The following SERPINB5 variants were observed in gnomAD, a reference collection of about 807,000 sequenced individuals.
SERPINB5 encodes the protein serpin B5.
SERPINB5 carries 27 observed loss-of-function variants against 32.2 expected under a neutral mutation model. That is an observed-to-expected ratio of 0.84 (90% CI 0.62 to 1.16). SERPINB5 has a LOEUF of 1.16. Ranked by LOEUF, SERPINB5 falls within the 50% of genes most tolerant of loss-of-function variation. The pLI, the probability that SERPINB5 is intolerant of heterozygous loss-of-function variation, is 0.00. For synonymous variants in SERPINB5, 154 were observed against 157.4 expected, an observed-to-expected ratio of 0.98 and a Z score of 0.16; for missense variants, 388 against 436.3, an observed-to-expected ratio of 0.89 and a Z score of 0.99.
In SERPINB5 at chr18:63,480,027, T is replaced by C. The variant is rs114789646; in HGVS notation, c.-8+2982T>C. Among the ~76,000 whole-genome samples, 1,060 of 152,282 alleles carry C rather than the reference T, an allele frequency of 7.0e-3. 11 individuals are homozygous for C. The highest frequency in any genetic ancestry group is 0.025 in the African/African-American group (1,035 of 41,562). On this transcript the variant is annotated intron_variant, in intron 1 of 6. Coordinates refer to ENST00000382771, the MANE Select transcript of SERPINB5 (RefSeq NM_002639.5). The stretch of plus-strand genomic sequence containing the variant: ...CAGGTGTGGCGGGGAAGTGCCAGGC[T>C]GGGAGCTAGAAGCAATGAATTCTAG...
chr18:63,485,981 G>C (rs975556603), intron 2 of SERPINB5: 1 of 151,256 alleles, frequency 6.6e-6, no homozygotes, highest in Non-Finnish European at 1.5e-5. Flanking sequence ...AGGCAGAAAA[G>C]ATGCTGGACT....
intron 3 of SERPINB5, among the ~76,000 whole-genome samples, chr18:63,488,387 G>C (rs889582088): frequency 3.9e-5 from 6 of 152,210 alleles, no homozygotes; most frequent in Non-Finnish European, 7.3e-5. Flanking sequence ...AACCAGACTA[G>C]GAGTTGTAAA....
rs868261059 is a variant in SERPINB5, at chr18:63,503,387, G to T, written c.793G>T (p.Ala265Ser). ...LSQWTNPSTM[A>S]NAKVKLSIPK... is the part of the protein sequence containing the mutation. Reference sequence around the variant, plus strand: ...ACAGTGGACTAATCCCAGCACCATGGCCAATGCCAAGGTCAAACTCTCCAT... The same window carrying T: ...ACAGTGGACTAATCCCAGCACCATGTCCAATGCCAAGGTCAAACTCTCCAT... Residue 265 changes from alanine (A) to serine (S), a missense_variant, in exon 7 of 7, where the codon GCC (alanine) becomes TCC (serine). Ala to Ser is a moderately conservative substitution (Grantham distance 99). Transcript: ENST00000382771. 6.2e-7 allele frequency: 1 copy of T among 1,614,198 alleles called. No homozygotes were observed. Among genetic ancestry groups the T allele is most frequent in the Non-Finnish European group, 8.5e-7 (1 of 1,180,024 alleles).
rs149353823 is a variant in SERPINB5 at position 63,503,588 on chromosome 18, G to T, written c.994G>T (p.Asp332Tyr). Reference sequence around the variant, plus strand: ...CTTAGAAATAACTGAAGATGGTGGGGATTCCATAGAGGTGCCAGGAGCACG... The same window carrying T: ...CTTAGAAATAACTGAAGATGGTGGGTATTCCATAGAGGTGCCAGGAGCACG... Reference protein sequence around the residue: ...VCLEITEDGGDSIEVPGARIL... With the variant: ...VCLEITEDGGYSIEVPGARIL... Residue 332 changes from aspartate to tyrosine, a missense_variant, in exon 7 of 7, where the codon GAT becomes TAT. Physicochemically the swap from Asp to Tyr is radical, Grantham distance 160 (BLOSUM62 -3). Coordinates refer to ENST00000382771, the MANE Select transcript of SERPINB5 (RefSeq NM_002639.5). 6.2e-7 allele frequency: 1 copy of T among 1,614,126 alleles called. No homozygotes were observed. Among genetic ancestry groups the T allele is most frequent in the African/African-American group, 1.3e-5 (1 of 74,946 alleles).
At chr18:63,489,583 C>A in intron 4 of SERPINB5, 119 bp downstream of exon 4, 1 of 663,002 alleles carries the variant, frequency 1.5e-6, no homozygotes, top group Non-Finnish European at 2.6e-6. Flanking sequence ...ATTTTTACTA[C>A]ACAAGCTAAA....
intron 6 of SERPINB5, among the ~76,000 whole-genome samples, chr18:63,502,999 G>C (rs985224202): frequency 1.3e-5 from 2 of 152,024 alleles, no homozygotes; most frequent in Non-Finnish European, 2.9e-5. Flanking sequence ...ACTCCAGCCC[G>C]GGTGACAGAA....
rs144830781 is a variant in SERPINB5, at chr18:63,501,920, G to C, written c.736-1410G>C. ...GATTTTTTCTTGTAAATTTGTTTGA[G>C]TTCTTTGTAGATTCTGGATATTAGC... On this transcript the variant is annotated intron_variant, in intron 6 of 6. Transcript: ENST00000382771. 1.5e-3 allele frequency among the ~76,000 whole-genome samples: 229 copies of C among 152,248 alleles called. 1 individual carries two copies. The highest frequency in any genetic ancestry group is 5.2e-3 in the African/African-American group (216 of 41,544).
chr18:63,491,162 G>A (rs189415795), intron 4 of SERPINB5, among the ~76,000 whole-genome samples: 107 of 152,172 alleles, frequency 7.0e-4, no homozygotes, highest in African/African-American at 2.6e-3. Flanking sequence ...AGCACTTTGG[G>A]AGGCCAAGGC....
chr18:63,496,004 T>C (rs1402549561), intron 5 of SERPINB5, among the ~76,000 whole-genome samples: 1 of 152,222 alleles, frequency 6.6e-6, no homozygotes, highest in East Asian at 1.9e-4. Flanking sequence ...TGAAGTTATA[T>C]CATTAAAAGT....
chr18:63,502,329 C>T (rs1599395317), intron 6 of SERPINB5, among the ~76,000 whole-genome samples: 1 of 151,846 alleles, frequency 6.6e-6, no homozygotes, highest in Non-Finnish European at 1.5e-5. Flanking sequence ...TAGAGACGGG[C>T]TTTCACTGTG....
chr18:63,500,586 AT>A (rs1909550998), intron 6 of SERPINB5, among the ~76,000 whole-genome samples: 1 of 152,144 alleles, frequency 6.6e-6, no homozygotes, highest in African/African-American at 2.4e-5. Context: ...CTGCAGGTGA[AT>A]GGAGTTTTAG....
intron 6 of SERPINB5, among the ~76,000 whole-genome samples, chr18:63,502,673 C>T (rs992096752): frequency 4.6e-5 from 7 of 152,130 alleles, no homozygotes; most frequent in Non-Finnish European, 7.3e-5. Flanking sequence ...ATATTCATTT[C>T]ACTATTGTGT....
At chr18:63,499,619 G>A (rs1244789368) in intron 6 of SERPINB5, among the ~76,000 whole-genome samples, 1 of 152,184 alleles carries the variant, frequency 6.6e-6, no homozygotes, top group African/African-American at 2.4e-5. Flanking sequence ...AGAGGGGTGG[G>A]TAACTGGTTA....
intron 1 of SERPINB5, among the ~76,000 whole-genome samples, chr18:63,480,821 T>A (rs8093175): frequency 0.73 from 111,005 of 152,174 alleles, 41,697 homozygotes; most frequent in African/African-American, 0.92. Context: ...AACTACAACC[T>A]TTTCCATGTA....
chr18:63,487,819 A>AATT (rs1917239218), intron 3 of SERPINB5, among the ~76,000 whole-genome samples: 1 of 152,180 alleles, frequency 6.6e-6, no homozygotes, highest in African/African-American at 2.4e-5. Context: ...GGATGGTCAG[A>AATT]ATTTCAAGGT....
chr18:63,480,877 C>T (rs1436780225), intron 1 of SERPINB5, among the ~76,000 whole-genome samples: 1 of 152,172 alleles, frequency 6.6e-6, no homozygotes, highest in African/African-American at 2.4e-5. Context: ...AATGCTCTTG[C>T]CACTGGGACC....
At chr18:63,492,265 C>T (rs1031100484) in intron 4 of SERPINB5, among the ~76,000 whole-genome samples, 1 of 152,210 alleles carries the variant, frequency 6.6e-6, no homozygotes, top group African/African-American at 2.4e-5. Flanking sequence ...TTGAGGCAAT[C>T]AGCCTGCCCG....
chr18:63,491,887 A>G (rs1023818473), intron 4 of SERPINB5, among the ~76,000 whole-genome samples: 2 of 152,196 alleles, frequency 1.3e-5, no homozygotes, highest in African/African-American at 2.4e-5. Context: ...ACACTAATAT[A>G]TATTTAACAT....
Position 63,484,638 on chromosome 18 carries a change from G to A in SERPINB5, c.168+42G>A, listed in dbSNP as rs184374056. The A allele has an allele frequency of 3.7e-4, 556 of 1,504,552 alleles. 13 individuals are homozygous for A. The East Asian group carries it at 0.014, about 38-fold the overall frequency. 93.2% of individuals were successfully genotyped at this position (1,504,552 alleles called of 1,614,324 possible). ...TGTTTCTACTTTAAGTGGGAATACA[G>A]TTATTAGAACCCATAGGCAGTGCCT... On this transcript the variant is annotated intron_variant, in intron 2 of 6. Transcript: ENST00000382771.
Sources: gnomAD v4.1 joint callset for allele counts (sites outside exome capture counted in the v4.1 genomes callset) on GRCh38, gnomAD v4.1.1 for gene constraint, MANE v1.5 for transcripts, NCBI Gene and HGNC (gene_info 2026-07-23, HGNC 2026-07-21) for gene names.